Variants in SLC14A2 observed in about 807,000 individuals in gnomAD.
SLC14A2 encodes urea transporter 2.
SLC14A2 carries 91 observed loss-of-function variants against 104.6 expected under a neutral mutation model. That is an observed-to-expected ratio of 0.87 (90% CI 0.73 to 1.04). SLC14A2 has a LOEUF of 1.04. SLC14A2 is among the 50% of genes least tolerant of loss of function. The probability of loss-of-function intolerance (pLI) is 0.00; values close to 1 mark genes in which losing one functional copy is unlikely to be tolerated. For synonymous variants in SLC14A2, 476 were observed against 466.4 expected (o/e 1.02, Z -0.27); for missense variants, 1,189 against 1,156.0 (o/e 1.03, Z -0.41).
chr18:45,315,168 A>C (rs1027658624), intron 1 of SLC14A2, among the ~76,000 whole-genome samples: 1 of 152,140 alleles, frequency 6.6e-6, no homozygotes, highest in Non-Finnish European at 1.5e-5. Context: ...GAGGCAGGGG[A>C]ACCTACAGGG....
At chr18:45,562,750 G>T (rs1257648905) in intron 2 of SLC14A2, among the ~76,000 whole-genome samples, 1 of 152,188 alleles carries the variant, frequency 6.6e-6, no homozygotes, top group Non-Finnish European at 1.5e-5. Flanking sequence ...GGGATGCTGA[G>T]CTCTGGCCCC....
intron 1 of SLC14A2, among the ~76,000 whole-genome samples, chr18:45,364,025 C>T (rs1439400574): frequency 6.6e-6 from 1 of 152,118 alleles, no homozygotes; most frequent in African/African-American, 2.4e-5. Context: ...AATAACTGTA[C>T]CCATCCTTCC....
intron 1 of SLC14A2, among the ~76,000 whole-genome samples, chr18:45,450,218 C>G (rs1179304754): frequency 1.3e-5 from 2 of 152,154 alleles, no homozygotes; most frequent in Non-Finnish European, 2.9e-5. Flanking sequence ...CGGAGAGGTC[C>G]AAACTGCTGA....
At chr18:45,197,780 C>T in the SLC14A2 span, among the ~76,000 whole-genome samples, 33 of 152,248 alleles carry the variant, frequency 2.2e-4, no homozygotes, top group African/African-American at 7.0e-4. Context: ...AATGAAATTC[C>T]GCAGTGATCT....
At chr18:45,639,981 C>A in intron 7 of SLC14A2, 88 bp downstream of exon 7, 1 of 1,245,816 alleles carries the variant, frequency 8.0e-7, no homozygotes, top group South Asian at 1.4e-5. Flanking sequence ...TCCAGACATT[C>A]TCTTCCCTGC....
chr18:45,224,575 T>G (rs2084095574), intron 1 of SLC14A2, among the ~76,000 whole-genome samples: 1 of 151,988 alleles, frequency 6.6e-6, no homozygotes, highest in African/African-American at 2.4e-5. Context: ...TGCTGCAGGA[T>G]GATAGAACCA....
intron 2 of SLC14A2, chr18:45,528,218 A>G (rs1429224502): frequency 6.6e-6 from 1 of 151,818 alleles, no homozygotes; most frequent in African/African-American, 2.4e-5. Flanking sequence ...CGAAGATTTC[A>G]AAAACATATC....
chr18:45,318,347 T>G (rs2085150849), intron 1 of SLC14A2, among the ~76,000 whole-genome samples: 1 of 152,234 alleles, frequency 6.6e-6, no homozygotes, highest in East Asian at 1.9e-4. Context: ...CAGCACTGGG[T>G]CATGTGCTCC....
chr18:45,271,375 G>GA (rs1338902465), intron 1 of SLC14A2, among the ~76,000 whole-genome samples: 1 of 152,054 alleles, frequency 6.6e-6, no homozygotes, highest in Non-Finnish European at 1.5e-5. Context: ...ACAGATTGTA[G>GA]AAAAATCAGG....
At chr18:45,392,546 A>T (rs141166142) in intron 1 of SLC14A2, among the ~76,000 whole-genome samples, 1 of 152,210 alleles carries the variant, frequency 6.6e-6, no homozygotes, top group African/African-American at 2.4e-5. Context: ...TATTTGCTTT[A>T]GATGTTATAT....
chr18:45,345,699 A>G (rs2144293893), intron 1 of SLC14A2, among the ~76,000 whole-genome samples: 1 of 152,308 alleles, frequency 6.6e-6, no homozygotes, highest in East Asian at 1.9e-4. Flanking sequence ...GGATAAATAA[A>G]TTTATCCAGT....
At chr18:45,359,122 C>G (rs1030205515) in intron 1 of SLC14A2, among the ~76,000 whole-genome samples, 1 of 152,192 alleles carries the variant, frequency 6.6e-6, no homozygotes. Context: ...AAGCAGCAAT[C>G]CAATGCCTTA....
At chr18:45,607,044 C>A (rs929550589) in intron 2 of SLC14A2, among the ~76,000 whole-genome samples, 2 of 152,024 alleles carry the variant, frequency 1.3e-5, no homozygotes, top group Non-Finnish European at 2.9e-5. Context: ...TGGAACACTT[C>A]GACTGTTTTA....
At chr18:45,527,584 C>T (rs1445112835) in intron 2 of SLC14A2, among the ~76,000 whole-genome samples, 2 of 152,160 alleles carry the variant, frequency 1.3e-5, no homozygotes, top group African/African-American at 4.8e-5. Flanking sequence ...GTCTTTTCTA[C>T]AGACTCATGA....
chr18:45,317,817 G>C (rs1392351370), intron 1 of SLC14A2, among the ~76,000 whole-genome samples: 1 of 152,146 alleles, frequency 6.6e-6, no homozygotes, highest in Non-Finnish European at 1.5e-5. Context: ...GTTTATTTCT[G>C]ATGATGTTAT....
intron 1 of SLC14A2, among the ~76,000 whole-genome samples, chr18:45,251,667 C>T (rs1485271251): frequency 1.3e-5 from 2 of 152,206 alleles, no homozygotes; most frequent in African/African-American, 4.8e-5. Context: ...GGCCTTCCCT[C>T]TGTAAGGTAT....
intron 1 of SLC14A2, among the ~76,000 whole-genome samples, chr18:45,261,553 C>T (rs1233921582): frequency 1.3e-5 from 2 of 151,718 alleles, no homozygotes; most frequent in Non-Finnish European, 2.9e-5. Context: ...TGCTATCCCT[C>T]CCCTCTCCCC....
the SLC14A2 span, among the ~76,000 whole-genome samples, chr18:45,195,923 T>C: frequency 1.3e-5 from 2 of 152,076 alleles, no homozygotes; most frequent in Non-Finnish European, 2.9e-5. Flanking sequence ...AAAGAAAAAT[T>C]CGTGAATCGG....
intron 1 of SLC14A2, among the ~76,000 whole-genome samples, chr18:45,330,005 T>C (rs1323845073): frequency 2.0e-5 from 3 of 152,214 alleles, no homozygotes; most frequent in Non-Finnish European, 4.4e-5. Flanking sequence ...TACTCTCACT[T>C]AACCTTCATA....
Sources: allele counts gnomAD v4.1 joint callset (sites outside exome capture counted in the v4.1 genomes callset), GRCh38; gene constraint gnomAD v4.1.1; transcripts MANE v1.5; gene names NCBI Gene and HGNC (gene_info 2026-07-23, HGNC 2026-07-21).